KDM4C: variants seen among roughly 807,000 people sequenced by gnomAD.
KDM4C encodes lysine-specific demethylase 4C.
KDM4C carries 81 observed loss-of-function variants against 129.3 expected under a neutral mutation model. That is an observed-to-expected ratio of 0.63 (90% CI 0.52 to 0.75). KDM4C has a LOEUF of 0.75. Ranked by LOEUF, KDM4C falls within the 30% of genes least tolerant of loss-of-function variation. The pLI is 0.00. For missense variants in KDM4C, 1,457 were observed against 1,304.0 expected, an observed-to-expected ratio of 1.12 and a Z score of -1.81; for synonymous variants, 573 against 456.1, an observed-to-expected ratio of 1.26 and a Z score of -3.26.
At chr9:7,050,442 C>CAAAAAA (rs71500910) in intron 17 of KDM4C, among the ~76,000 whole-genome samples, 2 of 78,278 alleles carry the variant, frequency 2.6e-5, no homozygotes, top group African/African-American at 8.6e-5. Context: ...CCCAGATTAC[C>CAAAAAA]AAAAAAAAAA....
At chr9:6,748,509 GAAAAA>G (rs371679611) in intron 1 of KDM4C, among the ~76,000 whole-genome samples, 69 of 117,878 alleles carry the variant, frequency 5.9e-4, no homozygotes, top group African/African-American at 2.1e-3. Flanking sequence ...CTCCGTCTCA[GAAAAA>G]AAAAAAAAAA....
intron 12 of KDM4C, among the ~76,000 whole-genome samples, chr9:7,004,449 A>G (rs556011236): frequency 2.0e-5 from 3 of 152,162 alleles, no homozygotes; most frequent in African/African-American, 4.8e-5. Context: ...TGTTCCCTAT[A>G]CATGGTTTTG....
chr9:6,971,105 G>A (rs1831910404), intron 8 of KDM4C, among the ~76,000 whole-genome samples: 1 of 152,112 alleles, frequency 6.6e-6, no homozygotes, highest in Non-Finnish European at 1.5e-5. Flanking sequence ...GTAATAGGCA[G>A]CCACATCTGA....
intron 8 of KDM4C, among the ~76,000 whole-genome samples, chr9:6,932,582 A>T (rs1041475927): frequency 6.6e-6 from 1 of 152,178 alleles, no homozygotes; most frequent in African/African-American, 2.4e-5. Context: ...TAGTCCTTAC[A>T]GCTGTTATTT....
chr9:7,063,793 T>G (rs1172898362), intron 17 of KDM4C, among the ~76,000 whole-genome samples: 1 of 152,074 alleles, frequency 6.6e-6, no homozygotes, highest in South Asian at 2.1e-4. Flanking sequence ...CCTGGAGAGC[T>G]AGCTGGGAGG....
chr9:6,885,552 T>C (rs1845121316), intron 6 of KDM4C, among the ~76,000 whole-genome samples: 1 of 152,068 alleles, frequency 6.6e-6, no homozygotes, highest in Non-Finnish European at 1.5e-5. Context: ...AACTTATTAT[T>C]TGGATTGGAA....
intron 8 of KDM4C, among the ~76,000 whole-genome samples, chr9:6,968,948 G>A (rs1831467569): frequency 6.6e-6 from 1 of 152,078 alleles, no homozygotes; most frequent in South Asian, 2.1e-4. Flanking sequence ...GTGTGTGTGT[G>A]TGTTTTGAGA....
chr9:7,156,129 T>C (rs1292211641), intron 19 of KDM4C, among the ~76,000 whole-genome samples: 3 of 152,238 alleles, frequency 2.0e-5, no homozygotes, highest in African/African-American at 7.2e-5. Flanking sequence ...TTTTTTCATG[T>C]GTCTGTTGGC....
chr9:6,989,625 G>T (rs1290745838), intron 11 of KDM4C, among the ~76,000 whole-genome samples: 1 of 152,050 alleles, frequency 6.6e-6, no homozygotes, highest in Non-Finnish European at 1.5e-5. Flanking sequence ...TCTAGAAGTG[G>T]TGATTCATTT....
chr9:7,051,766 GAATT>G (rs1377337301), intron 17 of KDM4C, among the ~76,000 whole-genome samples: 3 of 152,236 alleles, frequency 2.0e-5, no homozygotes, highest in Middle Eastern at 3.4e-3. Flanking sequence ...AAAATAATAA[GAATT>G]ATTTAGATGT....
chr9:6,946,389 C>G (rs551534217), intron 8 of KDM4C, among the ~76,000 whole-genome samples: 8 of 152,154 alleles, frequency 5.3e-5, no homozygotes, highest in African/African-American at 1.7e-4. Flanking sequence ...CTTCACATCG[C>G]AGTAATTTTG....
chr9:7,013,623 G>A (rs1181737788), intron 13 of KDM4C, among the ~76,000 whole-genome samples, 165 bp from the exon 14 acceptor site: 1 of 152,158 alleles, frequency 6.6e-6, no homozygotes, highest in African/African-American at 2.4e-5. Context: ...GGAGTCTGAG[G>A]TGGAATATTG....
Position 6,986,409 on chromosome 9 carries a change from T to C in KDM4C, c.1420T>C (p.Tyr474His). 6.2e-7 allele frequency: 1 copy of C among 1,614,012 alleles called. No individual in the cohort carries two copies. Among genetic ancestry groups the C allele is most frequent in the Non-Finnish European group, 8.5e-7 (1 of 1,179,860 alleles). ...IKTEDDKAYA[Y>H]RSVPSISSEA... ...AACTGAGGATGACAAAGCTTATGCA[T>C]ATAGAAGTGTACCTTCTATATCCAG... The change falls in exon 11 of 22, where the codon TAT (tyrosine) becomes CAT (histidine). Residue 474 changes from tyrosine (Y) to histidine (H), a missense_variant. By Grantham distance (83) the Tyr-to-His change is moderately conservative. Transcript: ENST00000381309.
intron 15 of KDM4C, among the ~76,000 whole-genome samples, chr9:7,025,424 T>A (rs886803703): frequency 6.6e-6 from 1 of 152,214 alleles, no homozygotes; most frequent in Non-Finnish European, 1.5e-5. Flanking sequence ...TTTTGTGGTC[T>A]TCTCTTCCTT....
At chr9:6,775,297 G>A (rs182980478) in intron 1 of KDM4C, among the ~76,000 whole-genome samples, 13 of 151,336 alleles carry the variant, frequency 8.6e-5, no homozygotes, top group Admixed American at 2.0e-4. Context: ...GATTACAGAC[G>A]TGAGCCATCC....
At chr9:7,011,670 A>G (rs1445613671) in intron 12 of KDM4C, 28 bp from the exon 13 acceptor site, 4 of 1,599,346 alleles carry the variant, frequency 2.5e-6, no homozygotes, top group East Asian at 2.2e-5. Flanking sequence ...TCCCATGCTC[A>G]TGGTATTTTC....
intron 20 of KDM4C, among the ~76,000 whole-genome samples, chr9:7,168,661 A>T (rs999676412): frequency 6.6e-6 from 1 of 152,224 alleles, no homozygotes; most frequent in Non-Finnish European, 1.5e-5. Context: ...GTTGAGAAAC[A>T]GATTTTCCCA....
chr9:7,066,049 A>G (rs895165240), intron 17 of KDM4C, among the ~76,000 whole-genome samples: 3 of 152,142 alleles, frequency 2.0e-5, no homozygotes, highest in African/African-American at 7.2e-5. Context: ...TCTGTCACAA[A>G]GCATATATTT....
In KDM4C at chr9:6,909,613, TA is replaced by T. The variant is rs560729286; in HGVS notation, c.921+16391del. ...GAATACTCTCCAGTTTGTATTTATG[TA>T]AAAAAAAAATAAAAATAAGCTTTCA... is the stretch of plus-strand genomic sequence containing the variant. On this transcript the variant is annotated intron_variant, in intron 8 of 21. Coordinates refer to ENST00000381309, the MANE Select transcript of KDM4C (RefSeq NM_015061.6). Among the ~76,000 whole-genome samples the T allele has an allele frequency of 5.5e-3, 826 of 149,678 alleles. 5 individuals are homozygous for T. The highest frequency in any genetic ancestry group is 0.018 in the African/African-American group (748 of 40,838).
Sources: allele counts gnomAD v4.1 joint callset (sites outside exome capture counted in the v4.1 genomes callset), GRCh38; gene constraint gnomAD v4.1.1; transcripts MANE v1.5; gene names NCBI Gene and HGNC (gene_info 2026-07-23, HGNC 2026-07-21).